The following LSAMP variants were observed in gnomAD, a reference collection of about 807,000 sequenced individuals.
The protein encoded by LSAMP is limbic system-associated membrane protein.
In LSAMP, 7 loss-of-function variants were observed where a neutral mutation model predicts 38.6. That is an observed-to-expected ratio of 0.18 (90% CI 0.10 to 0.34). The LOEUF is 0.34. Ranked by LOEUF, LSAMP falls within the 10% of genes least tolerant of loss-of-function variation. LSAMP has a pLI of 1.00. For missense variants in LSAMP, 313 were observed against 420.0 expected (o/e 0.75, Z 2.23); for synonymous variants, 154 against 166.8 (o/e 0.92, Z 0.59).
chr3:115,970,016 C>T (rs928545483), intron 3 of LSAMP, among the ~76,000 whole-genome samples: 2 of 151,894 alleles, frequency 1.3e-5, no homozygotes, highest in Non-Finnish European at 2.9e-5. Flanking sequence ...TGATTAATGA[C>T]AATACTTCTG....
intron 1 of LSAMP, among the ~76,000 whole-genome samples, chr3:116,137,316 T>A (rs1709272686): frequency 6.6e-6 from 1 of 152,088 alleles, no homozygotes; most frequent in South Asian, 2.1e-4. Context: ...CAGGTGGACA[T>A]CTTTGCAAGG....
intron 1 of LSAMP, among the ~76,000 whole-genome samples, chr3:116,103,633 C>G (rs1012388508): frequency 2.9e-5 from 4 of 139,784 alleles, no homozygotes; most frequent in Non-Finnish European, 6.0e-5. Flanking sequence ...ATTTATATAT[C>G]CTTCCCTTTT....
intron 3 of LSAMP, among the ~76,000 whole-genome samples, chr3:115,859,382 G>A (rs753632900): frequency 1.2e-4 from 19 of 152,182 alleles, no homozygotes; most frequent in Non-Finnish European, 2.1e-4. Context: ...AAAACGGAGA[G>A]ATGTGATATA....
chr3:116,157,163 G>A (rs1709771208), intron 1 of LSAMP, among the ~76,000 whole-genome samples: 1 of 152,048 alleles, frequency 6.6e-6, no homozygotes, highest in Non-Finnish European at 1.5e-5. Context: ...AAGTTGTGGG[G>A]ACCCAGTGCT....
intron 2 of LSAMP, among the ~76,000 whole-genome samples, chr3:116,058,826 A>G (rs1452202847): frequency 1.3e-5 from 2 of 152,212 alleles, no homozygotes; most frequent in East Asian, 3.8e-4. Flanking sequence ...AGAGTGATAA[A>G]GACTCACGTG....
intron 6 of LSAMP, among the ~76,000 whole-genome samples, chr3:115,819,970 T>C (rs925054404): frequency 2.0e-5 from 3 of 152,054 alleles, no homozygotes; most frequent in East Asian, 1.9e-4. Context: ...CTACGTGCTG[T>C]GCAGATGAAT....
At chr3:115,999,371 C>T (rs186429637) in intron 3 of LSAMP, among the ~76,000 whole-genome samples, 57 of 152,264 alleles carry the variant, frequency 3.7e-4, no homozygotes, top group Admixed American at 3.3e-3. Context: ...CCCAAGGACA[C>T]GGGCCATTTG....
chr3:116,233,467 CT>C (rs1426237932), intron 1 of LSAMP, among the ~76,000 whole-genome samples: 2 of 141,826 alleles, frequency 1.4e-5, no homozygotes, highest in African/African-American at 5.1e-5. Context: ...TATAATATTT[CT>C]TTGTGTTTGG....
chr3:116,214,248 A>G (rs1013494615), intron 1 of LSAMP, among the ~76,000 whole-genome samples: 60 of 152,210 alleles, frequency 3.9e-4, no homozygotes, highest in African/African-American at 1.4e-3. Context: ...TTTACTTTCT[A>G]AAAAGGCTTA....
intron 1 of LSAMP, among the ~76,000 whole-genome samples, chr3:116,276,838 G>A (rs1018032061): frequency 5.9e-5 from 9 of 152,166 alleles, no homozygotes; most frequent in Non-Finnish European, 1.2e-4. Context: ...TAGACAACCT[G>A]CTGAGAAAGG....
chr3:116,009,035 C>G (rs776556782), intron 3 of LSAMP, among the ~76,000 whole-genome samples: 8 of 152,186 alleles, frequency 5.3e-5, no homozygotes, highest in Non-Finnish European at 1.0e-4. Context: ...CAAGGAAAAA[C>G]CTTATTTCTC....
chr3:115,821,848 T>C (rs550270958), intron 6 of LSAMP, among the ~76,000 whole-genome samples: 4 of 152,322 alleles, frequency 2.6e-5, no homozygotes, highest in African/African-American at 9.6e-5. Flanking sequence ...GCCAAGGACC[T>C]GAGGCATAAC....
At chr3:116,159,751 A>AT (rs1294242749) in intron 1 of LSAMP, among the ~76,000 whole-genome samples, 1 of 152,230 alleles carries the variant, frequency 6.6e-6, no homozygotes, top group Non-Finnish European at 1.5e-5. Flanking sequence ...AATGTAAATC[A>AT]TTCTACTGTA....
At chr3:115,862,810 C>T (rs1005781108) in intron 3 of LSAMP, among the ~76,000 whole-genome samples, 9 of 152,166 alleles carry the variant, frequency 5.9e-5, no homozygotes, top group East Asian at 1.9e-4. Flanking sequence ...TTACCAGCAC[C>T]CCTCAATCTG....
intron 1 of LSAMP, among the ~76,000 whole-genome samples, chr3:116,107,162 A>G (rs1202794582): frequency 3.3e-5 from 5 of 152,118 alleles, no homozygotes; most frequent in Admixed American, 6.5e-5. Context: ...TACAGTCATG[A>G]AGGTCAGGTG....
At position 115,965,536 on chromosome 3, in the gene LSAMP, T is replaced by C. The variant is rs183784047; in HGVS notation, c.514+53979A>G. On this transcript the variant is annotated intron_variant, in intron 3 of 6. Coordinates refer to ENST00000490035, the MANE Select transcript of LSAMP (RefSeq NM_002338.5). ...AAATTCAAGTAAATTAAGCAAAATA[T>C]CTCTTTTCATCAAACAGTAATTGAA... 2.7e-5 allele frequency among the ~76,000 whole-genome samples: 4 copies of C among 150,706 alleles called. No homozygotes were observed. The East Asian group carries it at 7.8e-4, about 29-fold the overall frequency.
chr3:116,024,018 C>T (rs577648791), intron 2 of LSAMP, among the ~76,000 whole-genome samples: 11 of 152,238 alleles, frequency 7.2e-5, no homozygotes, highest in Middle Eastern at 3.4e-3. Flanking sequence ...TACTTGTTTA[C>T]GAAAGACCTT....
intron 1 of LSAMP, among the ~76,000 whole-genome samples, chr3:116,112,267 G>C (rs1708632556): frequency 6.6e-6 from 1 of 152,132 alleles, no homozygotes; most frequent in Non-Finnish European, 1.5e-5. Context: ...AACCAATCAT[G>C]TTTTTAATAA....
intron 3 of LSAMP, among the ~76,000 whole-genome samples, chr3:115,966,068 G>C (rs931825166): frequency 6.6e-6 from 1 of 152,066 alleles, no homozygotes; most frequent in African/African-American, 2.4e-5. Context: ...TTGCCATGTG[G>C]GGCAAATGTA....
Sources: gnomAD v4.1 joint callset for allele counts (sites outside exome capture counted in the v4.1 genomes callset) on GRCh38, gnomAD v4.1.1 for gene constraint, MANE v1.5 for transcripts, NCBI Gene and HGNC (gene_info 2026-07-23, HGNC 2026-07-21) for gene names.